AKR1C8: variants seen among roughly 807,000 people sequenced by gnomAD.
AKR1C8 encodes the protein aldo-keto reductase family 1 member C-like protein 1.
At chr10:5,158,785 G>A in the AKR1C8 span, 1 of 464,594 alleles carries the variant, frequency 2.2e-6, no homozygotes, top group East Asian at 6.9e-5. Flanking sequence ...TTGGTCTGAA[G>A]GAATGTGTAA....
the AKR1C8 span, among the ~76,000 whole-genome samples, chr10:5,129,116 C>T: frequency 6.6e-6 from 1 of 152,000 alleles, no homozygotes; most frequent in Non-Finnish European, 1.5e-5. Flanking sequence ...TAGAAATTGA[C>T]TCTGAAAGGG....
At chr10:5,175,984 A>G in the AKR1C8 span, among the ~76,000 whole-genome samples, 1 of 152,046 alleles carries the variant, frequency 6.6e-6, no homozygotes, top group Non-Finnish European at 1.5e-5. Flanking sequence ...TAGTTTAATT[A>G]GATCCCATTT....
the AKR1C8 span, chr10:5,123,486 T>C: frequency 2.1e-6 from 1 of 480,968 alleles, no homozygotes. Context: ...TGGATTCAGT[T>C]TGTTAGGCGG....
At chr10:5,140,278 C>A in the AKR1C8 span, among the ~76,000 whole-genome samples, 1 of 152,022 alleles carries the variant, frequency 6.6e-6, no homozygotes, top group Non-Finnish European at 1.5e-5. Context: ...ACCATTTGAC[C>A]CAGCGATCCC....
the AKR1C8 span, among the ~76,000 whole-genome samples, chr10:5,126,347 C>T: frequency 1.3e-5 from 2 of 152,248 alleles, no homozygotes; most frequent in East Asian, 3.9e-4. Flanking sequence ...GTAACATCAA[C>T]ATTTCTACAG....
At chr10:5,164,748 T>C in the AKR1C8 span, among the ~76,000 whole-genome samples, 2 of 152,130 alleles carry the variant, frequency 1.3e-5, no homozygotes, top group Non-Finnish European at 2.9e-5. Flanking sequence ...ACCTGTCACA[T>C]GCAGCTGAAA....
At chr10:5,130,313 T>A in the AKR1C8 span, among the ~76,000 whole-genome samples, 1 of 151,622 alleles carries the variant, frequency 6.6e-6, no homozygotes, top group Non-Finnish European at 1.5e-5. Context: ...AAGCCAACAT[T>A]ATACTGAATG....
At chr10:5,145,345 TG>T in the AKR1C8 span, among the ~76,000 whole-genome samples, 2 of 151,888 alleles carry the variant, frequency 1.3e-5, no homozygotes, top group East Asian at 1.9e-4. Flanking sequence ...AATTGACAAA[TG>T]GGATCTAATT....
At chr10:5,184,964 G>C in the AKR1C8 span, 12 of 530,720 alleles carry the variant, frequency 2.3e-5, no homozygotes, top group Non-Finnish European at 3.9e-5. Flanking sequence ...TGACTGCCCT[G>C]CAAGTACAGC....
At chr10:5,163,948 T>C in the AKR1C8 span, among the ~76,000 whole-genome samples, 1 of 152,142 alleles carries the variant, frequency 6.6e-6, no homozygotes, top group Non-Finnish European at 1.5e-5. Flanking sequence ...GTCCTTTGTG[T>C]AACCAACAGG....
the AKR1C8 span, among the ~76,000 whole-genome samples, chr10:5,148,127 TG>T: frequency 6.6e-6 from 1 of 151,992 alleles, no homozygotes; most frequent in Non-Finnish European, 1.5e-5. Flanking sequence ...GGCTGCTACG[TG>T]GGGGCTTCTG....
the AKR1C8 span, among the ~76,000 whole-genome samples, chr10:5,145,983 T>G: frequency 6.6e-6 from 1 of 151,556 alleles, no homozygotes; most frequent in African/African-American, 2.4e-5. Flanking sequence ...ATTAAGAAAA[T>G]GTGGCACATA....
the AKR1C8 span, among the ~76,000 whole-genome samples, chr10:5,145,661 C>G: frequency 6.6e-6 from 1 of 152,104 alleles, no homozygotes; most frequent in Non-Finnish European, 1.5e-5. Flanking sequence ...CCATCTCACA[C>G]CAGTTAGAAT....
At chr10:5,122,891 T>C in the AKR1C8 span, among the ~76,000 whole-genome samples, 3 of 151,624 alleles carry the variant, frequency 2.0e-5, no homozygotes, top group African/African-American at 7.3e-5. Context: ...TAAAGAAAAC[T>C]CTAAGAGAAT....
chr10:5,138,180 C>T, the AKR1C8 span, among the ~76,000 whole-genome samples: 3 of 151,986 alleles, frequency 2.0e-5, no homozygotes, highest in African/African-American at 7.3e-5. Flanking sequence ...TTTTCCACAC[C>T]CTAGTAAGCC....
At chr10:5,161,040 C>T in the AKR1C8 span, among the ~76,000 whole-genome samples, 5 of 152,036 alleles carry the variant, frequency 3.3e-5, no homozygotes, top group African/African-American at 7.2e-5. Flanking sequence ...TTTGCATGCA[C>T]GTGTGCATGT....
the AKR1C8 span, among the ~76,000 whole-genome samples, chr10:5,147,033 G>A: frequency 7.2e-5 from 11 of 152,154 alleles, no homozygotes; most frequent in African/African-American, 2.7e-4. Context: ...TACTGTACAA[G>A]AAGCATGGCA....
chr10:5,133,781 C>T, the AKR1C8 span, among the ~76,000 whole-genome samples: 22 of 152,158 alleles, frequency 1.4e-4, no homozygotes, highest in South Asian at 2.1e-4. Context: ...GGTACATCTA[C>T]GGGTGGCAGT....
At chr10:5,142,600 G>T in the AKR1C8 span, among the ~76,000 whole-genome samples, 1 of 152,060 alleles carries the variant, frequency 6.6e-6, no homozygotes, top group African/African-American at 2.4e-5. Context: ...ATGTCTTAGG[G>T]TATAGGAAGG....
Sources: allele counts gnomAD v4.1 joint callset (sites outside exome capture counted in the v4.1 genomes callset), GRCh38; gene constraint gnomAD v4.1.1; transcripts MANE v1.5; gene names NCBI Gene and HGNC (gene_info 2026-07-23, HGNC 2026-07-21).